PFKM: variants seen among roughly 807,000 people sequenced by gnomAD.
The protein encoded by PFKM is phosphofructokinase, muscle, also known as ATP-dependent 6-phosphofructokinase, muscle type.
A neutral mutation model predicts 95.5 loss-of-function variants in PFKM; 58 were observed. The observed-to-expected ratio is 0.61, with a 90% CI of 0.49 to 0.76. The LOEUF (loss-of-function observed/expected upper bound fraction) is 0.76. Ranked by LOEUF, PFKM falls within the 30% of genes least tolerant of loss-of-function variation. PFKM has a pLI of 0.00. For synonymous variants in PFKM, 336 were observed against 357.2 expected, an observed-to-expected ratio of 0.94 and a Z score of 0.67; for missense variants, 678 against 1,005.4, an observed-to-expected ratio of 0.67 and a Z score of 4.40.
At chr12:48,108,053 T>A (rs772933970) in intron 2 of PFKM, 2 of 1,599,144 alleles carry the variant, frequency 1.3e-6, no homozygotes, top group Admixed American at 1.7e-5. Flanking sequence ...GAGGGTGACC[T>A]AAAGCTATTG....
At chr12:48,137,956 C>A in intron 11 of PFKM, 110 bp downstream of exon 11, 1 of 1,190,594 alleles carries the variant, frequency 8.4e-7, no homozygotes, top group Non-Finnish European at 1.3e-6. Flanking sequence ...GGTGGAAAGG[C>A]AAGATGGTAT....
At chr12:48,116,172 CCTTT>C (rs1003294075), upstream of PFKM, among the ~76,000 whole-genome samples, 17 of 147,550 alleles carry the variant, frequency 1.2e-4, no homozygotes, top group African/African-American at 4.3e-4. Context: ...CTGCCTCCTT[CCTTT>C]CTTCCTCTCC....
intron 17 of PFKM, chr12:48,142,433 A>G (rs1950654502): frequency 4.6e-6 from 2 of 432,322 alleles, no homozygotes; most frequent in Non-Finnish European, 4.3e-6. Context: ...AGATCGTGCC[A>G]CTTTACTCCA....
chr12:48,116,396 A>G (rs183275337), upstream of PFKM, among the ~76,000 whole-genome samples: 12 of 152,196 alleles, frequency 7.9e-5, no homozygotes, highest in Non-Finnish European at 1.8e-4. Flanking sequence ...CCTAATGGCT[A>G]TTGATGTTGA....
chr12:48,110,335 C>A (rs532996532), intron 3 of PFKM, among the ~76,000 whole-genome samples: 1 of 152,270 alleles, frequency 6.6e-6, no homozygotes, highest in South Asian at 2.1e-4. Flanking sequence ...CTTATGGACA[C>A]TTTTGAGCTC....
chr12:48,123,768 T>A (rs1278943771), intron 2 of PFKM, among the ~76,000 whole-genome samples: 4 of 152,220 alleles, frequency 2.6e-5, no homozygotes, highest in African/African-American at 9.6e-5. Context: ...TGAATTCCTT[T>A]AGGAATTTAT....
chr12:48,143,385 A>G (rs77460467), intron 18 of PFKM, among the ~76,000 whole-genome samples: 1,468 of 141,206 alleles, frequency 0.01, 29 homozygotes, highest in African/African-American at 0.035. Context: ...CTTTTGAGAG[A>G]GATACTCTCT....
intron 2 of PFKM, chr12:48,125,218 A>T (rs1592676470): frequency 1.1e-5 from 4 of 377,808 alleles, no homozygotes; most frequent in Non-Finnish European, 2.1e-5. Flanking sequence ...ACATCGGCAT[A>T]TTCTACCCCT....
intron 19 of PFKM, 114 bp from the exon 20 acceptor site, chr12:48,143,932 A>G: frequency 9.2e-7 from 1 of 1,090,258 alleles, no homozygotes; most frequent in Non-Finnish European, 1.4e-6. Flanking sequence ...GGAGGGGGCC[A>G]GCCTATCCCT....
intron 2 of PFKM, 90 bp downstream of exon 2, chr12:48,122,949 G>C: frequency 1.5e-5 from 20 of 1,310,994 alleles, no homozygotes; most frequent in Non-Finnish European, 2.1e-5. Context: ...TTCTTCTGTA[G>C]GTTCACGGGA....
chr12:48,125,333 CGGG>C (rs1948717533), intron 2 of PFKM: 1 of 448,490 alleles, frequency 2.2e-6, no homozygotes, highest in African/African-American at 2.0e-5. Flanking sequence ...AGAGATGGGA[CGGG>C]ATCGGCCAGG....
At chr12:48,116,392 G>A (rs906193124), upstream of PFKM, among the ~76,000 whole-genome samples, 2 of 151,942 alleles carry the variant, frequency 1.3e-5, no homozygotes, top group African/African-American at 4.8e-5. Context: ...TTGCCCTAAT[G>A]GCTATTGATG....
intron 1 of PFKM, among the ~76,000 whole-genome samples, chr12:48,106,928 C>G (rs1020011634): frequency 6.6e-6 from 1 of 152,180 alleles, no homozygotes; most frequent in African/African-American, 2.4e-5. Flanking sequence ...CATTGATTAA[C>G]CTGGAATCTG....
At chr12:48,140,677 C>T (rs959487672) in intron 13 of PFKM, 45 bp from the exon 14 acceptor site, 2 of 1,608,646 alleles carry the variant, frequency 1.2e-6, no homozygotes, top group Admixed American at 1.7e-5. Context: ...CCCTGTTCCC[C>T]TGCTGGGTTT....
rs1029828386 is a variant in PFKM, at chr12:48,112,690, G to A, written c.205+4496G>A. ...GGAGAGTATATGCCTTTGGCACCACGGGGTGGATAAGCAAGACAATTTGGT... is the reference window on the plus strand; with the variant it reads ...GGAGAGTATATGCCTTTGGCACCACAGGGTGGATAAGCAAGACAATTTGGT... On this transcript the variant is annotated intron_variant, in intron 3 of 24. Coordinates refer to the PFKM transcript ENST00000340802. Among the ~76,000 whole-genome samples the A allele has an allele frequency of 7.2e-5, 11 of 152,178 alleles. No homozygotes were observed. In the East Asian group the frequency reaches 7.7e-4, roughly 11 times the overall value.
chr12:48,126,671 G>A (rs1034422844), intron 2 of PFKM, among the ~76,000 whole-genome samples: 1 of 152,072 alleles, frequency 6.6e-6, no homozygotes, highest in African/African-American at 2.4e-5. Context: ...TACTCAGCTT[G>A]GGAACAGGAA....
At chr12:48,120,418 T>C (rs1948136923) in intron 1 of PFKM, among the ~76,000 whole-genome samples, 1 of 152,214 alleles carries the variant, frequency 6.6e-6, no homozygotes, top group Non-Finnish European at 1.5e-5. Flanking sequence ...ACTTTGCAAG[T>C]CTTTAGTGAG....
chr12:48,107,979 C>T, intron 2 of PFKM: 4 of 1,289,692 alleles, frequency 3.1e-6, no homozygotes, highest in Non-Finnish European at 3.2e-6. Context: ...AAGCCCTGGA[C>T]AGCTCAGAGT....
rs560507779 is a variant in PFKM, at chr12:48,106,178, C to G, written c.-10+41C>G. 5.3e-5 allele frequency: 37 copies of G among 699,282 alleles called. No individual in the cohort carries two copies. In the Admixed American group the frequency reaches 7.3e-4, roughly 14 times the overall value. 43.3% of individuals were successfully genotyped at this position (699,282 alleles called of 1,614,324 possible). The stretch of plus-strand genomic sequence containing the variant: ...GGGGCTGGGGCAGGAGGTCAAAGAA[C>G]AGAGTTAAGGACCAGTGGGGCGCCT... On this transcript the variant is annotated intron_variant, in intron 1 of 24. Transcript: ENST00000340802.
Sources: allele counts gnomAD v4.1 joint callset (sites outside exome capture counted in the v4.1 genomes callset), GRCh38; gene constraint gnomAD v4.1.1; transcripts MANE v1.5; gene names NCBI Gene and HGNC (gene_info 2026-07-23, HGNC 2026-07-21).